Variants in GPC5 observed in about 807,000 individuals in gnomAD.
GPC5 encodes the protein glypican 5, also known as glypican-5.
Under a neutral mutation model 53.9 loss-of-function variants are expected in GPC5, and 47 were observed. That is an observed-to-expected ratio of 0.87 (90% CI 0.69 to 1.11). The LOEUF (loss-of-function observed/expected upper bound fraction) is 1.11, where lower values mean the gene tolerates loss of function less well. Ranked by LOEUF, GPC5 falls within the 50% of genes most tolerant of loss-of-function variation. The pLI is 0.00. For synonymous variants in GPC5, 286 were observed against 263.3 expected (o/e 1.09, Z -0.84); for missense variants, 748 against 713.1 (o/e 1.05, Z -0.56).
chr13:91,756,281 C>G lies in GPC5; in HGVS notation c.1155-14C>G, dbSNP rs773356783. 12 of 1,464,104 alleles carry G rather than the reference C, an allele frequency of 8.2e-6. No homozygotes were observed. In the South Asian group the frequency reaches 1.5e-4, roughly 19 times the overall value. 90.7% of individuals were successfully genotyped at this position (1,464,104 alleles called of 1,614,324 possible). ...ATGTTTGGTTTTAATTGTTTTCTTT[C>G]TTCTTTCATTTAGAGAATTTATCAA... is the stretch of plus-strand genomic sequence containing the variant. On this transcript the variant is annotated splice_polypyrimidine_tract_variant and intron_variant, in intron 4 of 7. Transcript: ENST00000377067.
intron 7 of GPC5, among the ~76,000 whole-genome samples, chr13:92,259,090 G>A (rs1487921328): frequency 6.6e-6 from 1 of 152,154 alleles, no homozygotes; most frequent in Non-Finnish European, 1.5e-5. Flanking sequence ...GCAATGATGA[G>A]TTTACAGAAC....
chr13:91,414,245 G>A (rs1025893996), intron 1 of GPC5, among the ~76,000 whole-genome samples: 1 of 152,192 alleles, frequency 6.6e-6, no homozygotes, highest in African/African-American at 2.4e-5. Flanking sequence ...GAGTTCTCAC[G>A]AGATCTAATG....
At chr13:91,407,236 T>C (rs938520040) in intron 1 of GPC5, among the ~76,000 whole-genome samples, 1 of 152,216 alleles carries the variant, frequency 6.6e-6, no homozygotes, top group African/African-American at 2.4e-5. Context: ...TTTGTGGGGT[T>C]AATTTTTGCT....
At chr13:92,611,650 G>T (rs1303500738) in intron 7 of GPC5, among the ~76,000 whole-genome samples, 1 of 152,040 alleles carries the variant, frequency 6.6e-6, no homozygotes, top group African/African-American at 2.4e-5. Flanking sequence ...TAATGCTCAG[G>T]ACTATGTCCT....
At chr13:92,207,106 A>G (rs2139069535) in intron 7 of GPC5, among the ~76,000 whole-genome samples, 1 of 152,212 alleles carries the variant, frequency 6.6e-6, no homozygotes, top group East Asian at 1.9e-4. Flanking sequence ...AAACTTTTCT[A>G]CCTTGGAAGG....
At chr13:91,534,615 G>A (rs1190204400) in intron 2 of GPC5, among the ~76,000 whole-genome samples, 1 of 152,166 alleles carries the variant, frequency 6.6e-6, no homozygotes, top group African/African-American at 2.4e-5. Flanking sequence ...GAATGATTGA[G>A]GGTATTTAGA....
chr13:91,718,453 C>T (rs76997137), intron 3 of GPC5, among the ~76,000 whole-genome samples: 5 of 149,886 alleles, frequency 3.3e-5, no homozygotes, highest in Non-Finnish European at 7.4e-5. Flanking sequence ...GCTTTTTTTT[C>T]CCTTCTCTGT....
At chr13:91,597,236 A>C (rs1362262361) in intron 2 of GPC5, among the ~76,000 whole-genome samples, 2 of 152,096 alleles carry the variant, frequency 1.3e-5, no homozygotes, top group East Asian at 3.8e-4. Flanking sequence ...TGCTAGATCT[A>C]GTGTCTGTTA....
At chr13:91,721,779 AC>A (rs1391227152) in intron 3 of GPC5, among the ~76,000 whole-genome samples, 2 of 152,168 alleles carry the variant, frequency 1.3e-5, no homozygotes, top group Non-Finnish European at 2.9e-5. Flanking sequence ...ATTATTCAGA[AC>A]ATAACCTAAA....
At chr13:91,761,528 C>G (rs2037411952) in intron 5 of GPC5, among the ~76,000 whole-genome samples, 1 of 152,144 alleles carries the variant, frequency 6.6e-6, no homozygotes, top group African/African-American at 2.4e-5. Flanking sequence ...AACTTCTGAC[C>G]AACTGGCTTC....
chr13:91,415,088 A>C (rs1878093935), intron 1 of GPC5, among the ~76,000 whole-genome samples: 1 of 152,068 alleles, frequency 6.6e-6, no homozygotes, highest in South Asian at 2.1e-4. Flanking sequence ...GAGATAACCC[A>C]CCATGGGCCT....
chr13:92,784,798 T>A (rs1876156945), intron 7 of GPC5, among the ~76,000 whole-genome samples: 1 of 152,172 alleles, frequency 6.6e-6, no homozygotes, highest in African/African-American at 2.4e-5. Flanking sequence ...ATCTTCCGAT[T>A]AAAAAGACTC....
chr13:92,091,949 A>G (rs2041384636), intron 6 of GPC5, among the ~76,000 whole-genome samples: 1 of 152,158 alleles, frequency 6.6e-6, no homozygotes, highest in Admixed American at 6.5e-5. Flanking sequence ...TTTCATTTGT[A>G]GTTTATAGTA....
chr13:92,065,572 A>T (rs971200840), intron 6 of GPC5, among the ~76,000 whole-genome samples: 2 of 152,172 alleles, frequency 1.3e-5, no homozygotes, highest in African/African-American at 4.8e-5. Flanking sequence ...AAAACTTCAT[A>T]TGTTCTTATC....
intron 7 of GPC5, among the ~76,000 whole-genome samples, chr13:92,747,054 G>T (rs1051972790): frequency 1.3e-5 from 2 of 152,106 alleles, no homozygotes; most frequent in African/African-American, 2.4e-5. Context: ...ACATGGAAAA[G>T]GTACAGTAAA....
intron 7 of GPC5, among the ~76,000 whole-genome samples, chr13:92,393,261 G>T (rs559507560): frequency 6.6e-6 from 1 of 152,250 alleles, no homozygotes; most frequent in South Asian, 2.1e-4. Flanking sequence ...TATAGTTGGA[G>T]CTGGAGATCA....
At chr13:91,962,356 C>T (rs1205323390) in intron 6 of GPC5, among the ~76,000 whole-genome samples, 3 of 152,138 alleles carry the variant, frequency 2.0e-5, no homozygotes, top group Admixed American at 1.3e-4. Context: ...TCTTCTTCAA[C>T]TACTTTGTAT....
intron 7 of GPC5, among the ~76,000 whole-genome samples, chr13:92,166,069 A>C (rs1009279265): frequency 1.3e-5 from 2 of 152,220 alleles, no homozygotes; most frequent in Non-Finnish European, 2.9e-5. Flanking sequence ...CGAAATAGAA[A>C]ATTGCAGAAG....
At chr13:91,731,846 G>C (rs2036706283) in intron 4 of GPC5, among the ~76,000 whole-genome samples, 1 of 152,124 alleles carries the variant, frequency 6.6e-6, no homozygotes, top group African/African-American at 2.4e-5. Context: ...CCATGTCCCT[G>C]AAAAGGACAC....
Sources: gnomAD v4.1 joint callset for allele counts (sites outside exome capture counted in the v4.1 genomes callset) on GRCh38, gnomAD v4.1.1 for gene constraint, MANE v1.5 for transcripts, NCBI Gene and HGNC (gene_info 2026-07-23, HGNC 2026-07-21) for gene names.